CTNNA3: variants seen among roughly 807,000 people sequenced by gnomAD.
The protein encoded by CTNNA3 is catenin alpha 3.
In CTNNA3, 76 loss-of-function variants were observed where a neutral mutation model predicts 95.7. The ratio of observed to expected loss-of-function variants is 0.79; its 90% confidence interval spans 0.66 to 0.96. CTNNA3 has a LOEUF of 0.96. Ranked by LOEUF, CTNNA3 falls within the 40% of genes least tolerant of loss-of-function variation. The probability of loss-of-function intolerance (pLI) is 0.00; values close to 1 mark genes in which losing one functional copy is unlikely to be tolerated. For synonymous variants in CTNNA3, 431 were observed against 374.4 expected, an observed-to-expected ratio of 1.15 and a Z score of -1.74; for missense variants, 1,191 against 1,089.8, an observed-to-expected ratio of 1.09 and a Z score of -1.31.
intron 13 of CTNNA3, among the ~76,000 whole-genome samples, chr10:66,182,410 C>T (rs1016935523): frequency 6.6e-6 from 1 of 152,108 alleles, no homozygotes; most frequent in Non-Finnish European, 1.5e-5. Context: ...CGCCCGCCAC[C>T]ACGCCTAGCT....
chr10:67,555,828 G>C (rs900030467), intron 3 of CTNNA3, among the ~76,000 whole-genome samples: 2 of 152,152 alleles, frequency 1.3e-5, no homozygotes, highest in African/African-American at 4.8e-5. Context: ...TCCCTGTCTT[G>C]TGCCAGTTTT....
intron 1 of CTNNA3, among the ~76,000 whole-genome samples, chr10:67,743,737 G>C (rs981963290): frequency 1.3e-5 from 2 of 151,234 alleles, no homozygotes; most frequent in African/African-American, 4.8e-5. Context: ...TGACATGATT[G>C]TATATCTAGA....
At chr10:67,313,240 T>C (rs1840890470) in intron 5 of CTNNA3, among the ~76,000 whole-genome samples, 2 of 151,810 alleles carry the variant, frequency 1.3e-5, no homozygotes, top group South Asian at 4.2e-4. Flanking sequence ...ATCAAGACCA[T>C]CCTGGCTAAC....
intron 9 of CTNNA3, among the ~76,000 whole-genome samples, chr10:66,629,101 A>G (rs186635180): frequency 1.8e-3 from 279 of 152,250 alleles, no homozygotes; most frequent in Non-Finnish European, 2.6e-3. Flanking sequence ...CCAGGAGAAG[A>G]AAAGGTTTCA....
chr10:67,529,008 T>C (rs1223546404), intron 4 of CTNNA3, among the ~76,000 whole-genome samples: 2 of 152,130 alleles, frequency 1.3e-5, no homozygotes, highest in Non-Finnish European at 2.9e-5. Context: ...ATTGCTAGAG[T>C]AAATTTTAAG....
chr10:66,267,004 G>A (rs10997018), intron 13 of CTNNA3, among the ~76,000 whole-genome samples: 30,087 of 151,632 alleles, frequency 0.2, 3,288 homozygotes, highest in East Asian at 0.34. Context: ...TCATCTATTC[G>A]ATAATTTCTT....
intron 1 of CTNNA3, among the ~76,000 whole-genome samples, chr10:67,650,590 C>T (rs1376226738): frequency 6.6e-6 from 1 of 152,178 alleles, no homozygotes; most frequent in Non-Finnish European, 1.5e-5. Flanking sequence ...CTGCTGGAAA[C>T]TGAACTTTTA....
At chr10:66,722,504 G>A (rs1848662228) in intron 9 of CTNNA3, among the ~76,000 whole-genome samples, 2 of 152,022 alleles carry the variant, frequency 1.3e-5, no homozygotes, top group Admixed American at 6.6e-5. Context: ...TAAAAGAAGT[G>A]ACATCCACTG....
intron 5 of CTNNA3, among the ~76,000 whole-genome samples, chr10:67,450,823 T>C (rs1034949454): frequency 6.6e-6 from 1 of 151,902 alleles, no homozygotes; most frequent in East Asian, 1.9e-4. Flanking sequence ...CATAGACAAC[T>C]TTATGAAAAA....
intron 1 of CTNNA3, among the ~76,000 whole-genome samples, chr10:67,743,097 T>C (rs1459999439): frequency 1.3e-5 from 2 of 151,290 alleles, no homozygotes; most frequent in East Asian, 3.8e-4. Flanking sequence ...GTACCATTCC[T>C]TCTGAAACTA....
chr10:66,090,934 T>C (rs1448770540), intron 14 of CTNNA3, among the ~76,000 whole-genome samples: 2 of 151,986 alleles, frequency 1.3e-5, no homozygotes, highest in African/African-American at 4.8e-5. Context: ...TCGGTTATGG[T>C]ACTTTCACCG....
intron 10 of CTNNA3, among the ~76,000 whole-genome samples, chr10:66,565,916 TC>T (rs763485507): frequency 3.3e-5 from 5 of 152,126 alleles, no homozygotes; most frequent in Non-Finnish European, 7.4e-5. Context: ...TAGTATTGTA[TC>T]TGACATATTA....
At chr10:66,263,010 T>A (rs555693959) in intron 13 of CTNNA3, among the ~76,000 whole-genome samples, 1 of 151,980 alleles carries the variant, frequency 6.6e-6, no homozygotes, top group Non-Finnish European at 1.5e-5. Flanking sequence ...AGAAATACTT[T>A]CTTCTCAAAG....
intron 16 of CTNNA3, among the ~76,000 whole-genome samples, chr10:65,971,971 A>G (rs1049807903): frequency 2.0e-5 from 3 of 152,124 alleles, no homozygotes. Flanking sequence ...ATGATCAAGT[A>G]GACTTAATTC....
intron 11 of CTNNA3, among the ~76,000 whole-genome samples, chr10:66,407,240 C>G (rs1447027966): frequency 6.7e-6 from 1 of 150,080 alleles, no homozygotes; most frequent in Non-Finnish European, 1.5e-5. Context: ...AGATTTGAGT[C>G]AATTCATCAT....
At chr10:67,368,986 C>G (rs1843315960) in intron 5 of CTNNA3, among the ~76,000 whole-genome samples, 1 of 152,118 alleles carries the variant, frequency 6.6e-6, no homozygotes, top group Non-Finnish European at 1.5e-5. Context: ...CAAAACTCAT[C>G]AAATTGTACA....
At chr10:66,602,675 A>T (rs1843971844) in intron 10 of CTNNA3, among the ~76,000 whole-genome samples, 1 of 152,020 alleles carries the variant, frequency 6.6e-6, no homozygotes, top group South Asian at 2.1e-4. Flanking sequence ...TATCTGACAC[A>T]CATAGATGCA....
intron 7 of CTNNA3, among the ~76,000 whole-genome samples, chr10:66,975,140 T>G (rs2147883): frequency 0.94 from 142,909 of 152,188 alleles, 67,614 homozygotes; most frequent in East Asian, 1. Flanking sequence ...ATTTCAAAAA[T>G]CCTGCTTCAA....
chr10:66,813,596 G>A (rs1841965600), intron 7 of CTNNA3, among the ~76,000 whole-genome samples: 1 of 151,992 alleles, frequency 6.6e-6, no homozygotes, highest in Non-Finnish European at 1.5e-5. Flanking sequence ...GGAAATTACT[G>A]GTCATTCGTT....
Sources: gnomAD v4.1 joint callset for allele counts (sites outside exome capture counted in the v4.1 genomes callset) on GRCh38, gnomAD v4.1.1 for gene constraint, MANE v1.5 for transcripts, NCBI Gene and HGNC (gene_info 2026-07-23, HGNC 2026-07-21) for gene names.